The following MROH2A variants were observed in gnomAD, a reference collection of about 807,000 sequenced individuals.
MROH2A encodes maestro heat like repeat family member 2A.
MROH2A carries 174 observed loss-of-function variants against 200.4 expected under a neutral mutation model. That is an observed-to-expected ratio of 0.87 (90% CI 0.77 to 0.98). The LOEUF (loss-of-function observed/expected upper bound fraction) is 0.98. Among genes scored for constraint, MROH2A ranks in the 50% least tolerant of loss-of-function variants. The probability of loss-of-function intolerance (pLI) is 0.00; values close to 1 mark genes in which losing one functional copy is unlikely to be tolerated. For missense variants in MROH2A, 2,045 were observed against 2,139.6 expected (o/e 0.96, Z 0.87); for synonymous variants, 829 against 840.4 (o/e 0.99, Z 0.23).
chr2:233,787,596 TTATATATTATATATATCATATATAC>T lies in MROH2A; in HGVS notation c.277-1900_277-1876del, dbSNP rs1701304601. ...TATATATCATATATACATATATATA[TTATATATTATATATATCATATATAC>T]ATATATATTATATATATTATATATA... On this transcript the variant is annotated intron_variant, in intron 3 of 41. Coordinates refer to ENST00000389758, the MANE Select transcript of MROH2A (RefSeq NM_001394639.1). 5.2e-4 allele frequency among the ~76,000 whole-genome samples: 17 copies of T among 32,852 alleles called. 4 individuals are homozygous for T. Among genetic ancestry groups the T allele is most frequent in the East Asian group, 2.3e-3 (2 of 866 alleles). 21.6% of individuals were successfully genotyped at this position (32,852 alleles called of 152,430 possible). A position where few individuals can be genotyped will look rare whatever the true frequency, so the allele number is the denominator to read the frequency against.
chr2:233,784,611 C>T lies in MROH2A; in HGVS notation c.276+4759C>T, dbSNP rs367732839. Among the ~76,000 whole-genome samples the T allele has an allele frequency of 4.5e-4, 69 of 152,226 alleles. 1 individual carries two copies. In the South Asian group the frequency reaches 0.014, roughly 32 times the overall value. ...GGTGCCCTCCCTGTGGTAATGAGTT[C>T]ACATGAGAGCTGGCTGTTTAAAGGA... On this transcript the variant is annotated intron_variant, in intron 3 of 41. Coordinates refer to ENST00000389758, the MANE Select transcript of MROH2A (RefSeq NM_001394639.1).
Position 233,831,432 on chromosome 2 carries a change from G to C in MROH2A, c.4626G>C (p.Gln1542His), listed in dbSNP as rs1704742491. Residue 1542 changes from glutamine (Q) to histidine (H), a missense_variant, in exon 39 of 42, where the codon CAG becomes CAC. Transcript: ENST00000389758. Reference protein sequence around the residue: ...AAQACMATMFQCVHFWGWKSL... With the variant: ...AAQACMATMFHCVHFWGWKSL... ...AGGCCTGTATGGCTACCATGTTTCA[G>C]TGTGTGCACTTCTGGGGCTGGAAGT... is the stretch of plus-strand genomic sequence containing the variant. The C allele has an allele frequency of 1.3e-6, 2 of 1,550,344 alleles. No individual in the cohort carries two copies. Among genetic ancestry groups the C allele is most frequent in the Non-Finnish European group, 1.7e-6 (2 of 1,146,864 alleles).
At chr2:233,831,101 C>T (rs1285194362) in intron 38 of MROH2A, among the ~76,000 whole-genome samples, 3 of 152,160 alleles carry the variant, frequency 2.0e-5, no homozygotes, top group East Asian at 1.9e-4. Flanking sequence ...TGCTCAAGCC[C>T]GGCTCCCGCC....
Position 233,807,553 on chromosome 2 carries a change from CT to C in MROH2A, c.2172+12del, listed in dbSNP as rs1430934299. 6.5e-7 allele frequency: 1 copy of C among 1,550,162 alleles called. No individual in the cohort carries two copies. On this transcript the variant is annotated intron_variant, in intron 20 of 41. Coordinates refer to ENST00000389758, the MANE Select transcript of MROH2A (RefSeq NM_001394639.1). The surrounding 1 kb of genome is among the most constrained non-coding windows in gnomAD (Gnocchi z 4.3). ...GACTTTGACAGCGAGGTGAGGGTGC[CT>C]GCAGCCTCCTCCTGTCCACCAGATG...
chr2:233,824,566 C>A (rs148755997), intron 35 of MROH2A, among the ~76,000 whole-genome samples: 1 of 152,218 alleles, frequency 6.6e-6, no homozygotes, highest in Non-Finnish European at 1.5e-5. Context: ...CAGGGCCAGG[C>A]GCAGGTGCTG....
Position 233,789,907 on chromosome 2 carries a change from G to A in MROH2A, c.464G>A (p.Arg155Gln), listed in dbSNP as rs1162940902. Reference protein sequence around the residue: ...VASDTLVALSRNHFSLVMYEL... With the variant: ...VASDTLVALSQNHFSLVMYEL... ...AGCGACACACTGGTGGCTCTGTCCC[G>A]AAACCACTTCAGCTTGGTCATGTAC... The change falls in exon 5 of 42, where the codon CGA becomes CAA. Residue 155 changes from arginine to glutamine, a missense_variant. Arg to Gln is a conservative substitution (Grantham distance 43). Transcript: ENST00000389758. 8 of 1,550,432 alleles carry A rather than the reference G, an allele frequency of 5.2e-6. No homozygotes were observed. The Admixed American group carries it at 5.9e-5, about 11-fold the overall frequency.
Position 233,794,425 on chromosome 2 carries a change from C to A in MROH2A, c.885C>A (p.Asp295Glu), listed in dbSNP as rs942735536. 46 of 1,550,408 alleles carry A rather than the reference C, an allele frequency of 3.0e-5. No homozygotes were observed. The Admixed American group carries it at 8.8e-4, about 30-fold the overall frequency. ...TCGGCCTCCTTCTGCCCAACGATGA[C>A]CTGCGGGAGCAGGTCTACGACTACA... ...PMLGLLLPND[D>E]LREQVYDYIP... Residue 295 changes from aspartate to glutamate, a missense_variant, in exon 8 of 42, where the codon GAC (aspartate) becomes GAA (glutamate). Physicochemically the swap from Asp to Glu is conservative, Grantham distance 45. Transcript: ENST00000389758.
At position 233,813,764 on chromosome 2, in the gene MROH2A, A is replaced by G; in HGVS notation, c.2746A>G (p.Asn916Asp). The stretch of plus-strand genomic sequence containing the variant: ...TTCTCTCCAACTCCCAGGAGAGGAC[A>G]ATGAGTCCATTAAGGTAGGTCCCTC... ...VISLQLPGED[N>D]ESIKTLYANA... Residue 916 changes from asparagine (N) to aspartate (D), a missense_variant, in exon 25 of 42, where the codon AAT becomes GAT. Around this residue, in one of 3 missense-constraint regions of MROH2A, gnomAD observed 1,201 missense variants for 1,311.3 expected, o/e 0.92. Transcript: ENST00000389758. The G allele has an allele frequency of 6.5e-7, 1 of 1,541,962 alleles. No individual in the cohort carries two copies. Among genetic ancestry groups the G allele is most frequent in the Non-Finnish European group, 8.8e-7 (1 of 1,139,176 alleles).
In MROH2A at chr2:233,810,882, T is replaced by G; in HGVS notation, c.2537T>G (p.Phe846Cys). ...NNIKDLEDFHFAQKTTLTSII... is the reference protein window; with the variant it reads ...NNIKDLEDFHCAQKTTLTSII... ...ATCAAGGACCTGGAGGACTTTCACTTTGCCCAGAAGACGACTCTTACCAGC... is the reference window on the plus strand; with the variant it reads ...ATCAAGGACCTGGAGGACTTTCACTGTGCCCAGAAGACGACTCTTACCAGC... Residue 846 changes from phenylalanine (F) to cysteine (C), a missense_variant, in exon 23 of 42, where the codon TTT becomes TGT. Around this residue, in one of 3 missense-constraint regions of MROH2A, gnomAD observed 1,201 missense variants for 1,311.3 expected, o/e 0.92. Transcript: ENST00000389758. 6.5e-7 allele frequency: 1 copy of G among 1,550,334 alleles called. No individual in the cohort carries two copies. Among genetic ancestry groups the G allele is most frequent in the Non-Finnish European group, 8.7e-7 (1 of 1,146,816 alleles).
At chr2:233,786,797 C>T (rs1261988817) in intron 3 of MROH2A, among the ~76,000 whole-genome samples, 2 of 152,072 alleles carry the variant, frequency 1.3e-5, no homozygotes, top group African/African-American at 2.4e-5. Flanking sequence ...AACAAATAGG[C>T]ACATTTTAAA....
chr2:233,794,649 G>A, intron 8 of MROH2A, 143 bp downstream of exon 8: 1 of 602,494 alleles, frequency 1.7e-6, no homozygotes, highest in Non-Finnish European at 2.9e-6. Flanking sequence ...TGCCCTGCGA[G>A]GGAGGGGCGT....
chr2:233,804,496 A>G lies in MROH2A; in HGVS notation c.1893A>G (p.Glu631=), dbSNP rs942384509. 3.5e-5 allele frequency: 55 copies of G among 1,551,172 alleles called. No individual in the cohort carries two copies. In the African/African-American group the frequency reaches 6.4e-4, roughly 18 times the overall value. Residue 631 remains glutamate (E), a splice_region_variant and synonymous_variant, in exon 18 of 42, where the codon GAA becomes GAG. Coordinates refer to ENST00000389758, the MANE Select transcript of MROH2A (RefSeq NM_001394639.1). ...EIALLVRYLE[E]HTEFTWDQKA... ...GTGACCATACATGTGTTCCTGCAGA[A>G]CATACTGAGTTCACTTGGGATCAGA...
At position 233,804,195 on chromosome 2, in the gene MROH2A, G is replaced by A. The variant is rs1482231388; in HGVS notation, c.1891+3G>A. The A allele has an allele frequency of 6.5e-7, 1 of 1,550,370 alleles. No homozygotes were observed. Among genetic ancestry groups the A allele is most frequent in the Non-Finnish European group, 8.7e-7 (1 of 1,146,970 alleles). ...GCTACTGGTCCGGTACCTGGAAGGT[G>A]AGGTTCCTGGGGAGCCCATCCCAAG... On this transcript the variant is annotated splice_donor_region_variant and intron_variant, in intron 17 of 41. Transcript: ENST00000389758.
chr2:233,798,205 C>T (rs935724729), intron 11 of MROH2A, among the ~76,000 whole-genome samples: 1 of 152,184 alleles, frequency 6.6e-6, no homozygotes, highest in Non-Finnish European at 1.5e-5. Flanking sequence ...GGTGTGCTGT[C>T]ATCAGTTGTA....
chr2:233,790,999 T>C (rs1701726427), intron 5 of MROH2A, among the ~76,000 whole-genome samples: 1 of 152,126 alleles, frequency 6.6e-6, no homozygotes, highest in Admixed American at 6.5e-5. Flanking sequence ...AGGATGTCTG[T>C]GTGAAGCATA....
At position 233,796,305 on chromosome 2, in the gene MROH2A, G is replaced by A. The variant is rs1427786594; in HGVS notation, c.1244G>A (p.Ser415Asn). 7 of 1,320,148 alleles carry A rather than the reference G, an allele frequency of 5.3e-6. No individual in the cohort carries two copies. Among genetic ancestry groups the A allele is most frequent in the Non-Finnish European group, 6.1e-6 (6 of 981,032 alleles). The allele number at this position is 1,320,148 out of a possible 1,614,324, so 81.8% of individuals were successfully genotyped here. The change falls in exon 11 of 42, where the codon AGC becomes AAC. Residue 415 changes from serine (S) to asparagine (N), a missense_variant. Around this residue, in one of 3 missense-constraint regions of MROH2A, gnomAD observed 831 missense variants for 800.0 expected, o/e 1.04. Coordinates refer to ENST00000389758, the MANE Select transcript of MROH2A (RefSeq NM_001394639.1). Reference protein sequence around the residue: ...GTLNLIRAIVSADEPRMSIRA... With the variant: ...GTLNLIRAIVNADEPRMSIRA... ...CTGAATCTGATTAGGGCTATAGTGA[G>A]CGCAGATGGTGAGCAAGGCAGGGTG...
At chr2:233,788,430 A>C (rs901319565) in intron 3 of MROH2A, among the ~76,000 whole-genome samples, 2 of 151,764 alleles carry the variant, frequency 1.3e-5, no homozygotes, top group Admixed American at 1.3e-4. Context: ...TTGCTATCCC[A>C]AAAGTAGGAA....
intron 5 of MROH2A, among the ~76,000 whole-genome samples, chr2:233,791,280 A>G (rs1382112050): frequency 6.6e-6 from 1 of 152,060 alleles, no homozygotes; most frequent in Non-Finnish European, 1.5e-5. Context: ...GGAGGTGGGT[A>G]CTTGTGATGG....
At chr2:233,776,065 T>G (rs1700696437), upstream of MROH2A, among the ~76,000 whole-genome samples, 1 of 152,180 alleles carries the variant, frequency 6.6e-6, no homozygotes, top group African/African-American at 2.4e-5. Flanking sequence ...ATGAAACCTC[T>G]TTTTCTTTAT....
Sources: allele counts gnomAD v4.1 joint callset (sites outside exome capture counted in the v4.1 genomes callset), GRCh38; gene constraint gnomAD v4.1.1; regional missense constraint gnomAD v4.1.1; non-coding constraint Gnocchi (gnomAD v3.1); transcripts MANE v1.5; gene names NCBI Gene and HGNC (gene_info 2026-07-23, HGNC 2026-07-21).